Variants in MICAL3 observed in about 807,000 individuals in gnomAD.
MICAL3 encodes the protein microtubule associated monooxygenase, calponin and LIM domain containing 3, also known as [F-actin]-monooxygenase MICAL3.
A neutral mutation model predicts 207.4 loss-of-function variants in MICAL3; 62 were observed. That is an observed-to-expected ratio of 0.30 (90% CI 0.24 to 0.37). The LOEUF (loss-of-function observed/expected upper bound fraction) is 0.37. Ranked by LOEUF, MICAL3 falls within the 10% of genes least tolerant of loss-of-function variation. MICAL3 has a pLI of 1.00. For synonymous variants in MICAL3, 1,077 were observed against 1,069.3 expected (o/e 1.01, Z -0.14); for missense variants, 2,368 against 2,635.6 (o/e 0.90, Z 2.22).
At position 17,818,159 on chromosome 22, in the gene MICAL3, G is replaced by T; in HGVS notation, c.4502C>A (p.Pro1501His). Residue 1501 changes from proline to histidine, a missense_variant, in exon 26 of 32, where the codon CCT (proline) becomes CAT (histidine). Pro to His is a moderately conservative substitution (Grantham distance 77). Coordinates refer to ENST00000441493, the MANE Select transcript of MICAL3 (RefSeq NM_015241.3). Reference sequence around the variant, plus strand: ...CACCTCCTCTCTGGGGGGCTGAGCAGGCTCCCGGGGGGGCCGCATCCAGGT... The same window carrying T: ...CACCTCCTCTCTGGGGGGCTGAGCATGCTCCCGGGGGGGCCGCATCCAGGT... Reference protein sequence around the residue: ...PATWMRPPREPAQPPREEVRK... With the variant: ...PATWMRPPREHAQPPREEVRK... 1.3e-6 allele frequency: 2 copies of T among 1,599,664 alleles called. No homozygotes were observed.
intron 16 of MICAL3, among the ~76,000 whole-genome samples, chr22:17,877,557 AT>A: frequency 9.6e-6 from 1 of 103,696 alleles, no homozygotes; most frequent in African/African-American, 3.1e-5. Flanking sequence ...GAGGGAGGTT[AT>A]GGAGGTTAGG....
At chr22:17,913,694 T>C (rs544045311) in intron 1 of MICAL3, among the ~76,000 whole-genome samples, 1 of 152,278 alleles carries the variant, frequency 6.6e-6, no homozygotes, top group South Asian at 2.1e-4. Flanking sequence ...AACACTTATG[T>C]TGTATCTTTT....
At chr22:17,890,128 T>C (rs936653139) in intron 12 of MICAL3, among the ~76,000 whole-genome samples, 3 of 152,194 alleles carry the variant, frequency 2.0e-5, no homozygotes, top group African/African-American at 7.2e-5. Context: ...TTCAGAAGAC[T>C]GATCGCATTC....
At chr22:17,829,509 C>G (rs770991587) in intron 21 of MICAL3, among the ~76,000 whole-genome samples, 58 of 152,246 alleles carry the variant, frequency 3.8e-4, no homozygotes, top group Middle Eastern at 3.4e-3. Flanking sequence ...GGGACTAAGT[C>G]ACAGCAGAGT....
chr22:17,799,982 A>ACG (rs1555919264), intron 29 of MICAL3, among the ~76,000 whole-genome samples: 8 of 147,650 alleles, frequency 5.4e-5, no homozygotes, highest in African/African-American at 1.0e-4. Context: ...ACACACACAC[A>ACG]CGCGTTGGGA....
chr22:17,844,827 G>T (rs2146082731), intron 19 of MICAL3, among the ~76,000 whole-genome samples: 1 of 152,312 alleles, frequency 6.6e-6, no homozygotes, highest in African/African-American at 2.4e-5. Flanking sequence ...TGGACTAGAG[G>T]TAATGGCAGA....
At chr22:17,960,900 G>A (rs1458585019) in intron 1 of MICAL3, among the ~76,000 whole-genome samples, 29 of 152,220 alleles carry the variant, frequency 1.9e-4, no homozygotes, top group Non-Finnish European at 7.3e-5. Context: ...GAGCTCAGCA[G>A]GAGGTGCTGG....
chr22:17,914,605 C>T (rs774931044), intron 1 of MICAL3, among the ~76,000 whole-genome samples: 1 of 152,144 alleles, frequency 6.6e-6, no homozygotes, highest in Non-Finnish European at 1.5e-5. Flanking sequence ...AGGAAGATAG[C>T]TGCCCAGCTA....
chr22:18,001,955 T>A (rs542405874), intron 1 of MICAL3, among the ~76,000 whole-genome samples: 15 of 152,050 alleles, frequency 9.9e-5, no homozygotes, highest in African/African-American at 3.6e-4. Flanking sequence ...CCCAACACTT[T>A]GGGGAGCCGA....
chr22:17,939,409 G>A (rs548979749), intron 1 of MICAL3, among the ~76,000 whole-genome samples: 1 of 152,364 alleles, frequency 6.6e-6, no homozygotes, highest in African/African-American at 2.4e-5. Context: ...CTGAGGACCA[G>A]TGCCACAAAG....
At chr22:17,986,618 G>A (rs1250863613) in intron 1 of MICAL3, among the ~76,000 whole-genome samples, 1 of 152,082 alleles carries the variant, frequency 6.6e-6, no homozygotes, top group South Asian at 2.1e-4. Flanking sequence ...AAGTCACAGA[G>A]AATTTAGCTA....
chr22:17,900,963 G>A lies in MICAL3; in HGVS notation c.726C>T (p.Ala242=), dbSNP rs746694754. 7.4e-6 allele frequency: 12 copies of A among 1,613,848 alleles called. No homozygotes were observed. The Admixed American group carries it at 2.0e-4, about 27-fold the overall frequency. ...TGATAAAATTTGCCGTGATGGCGATGGCCAGTTTGCCACGGAATTCTTTCC... is the reference window on the plus strand; with the variant it reads ...TGATAAAATTTGCCGTGATGGCGATAGCCAGTTTGCCACGGAATTCTTTCC... The part of the protein sequence containing the change: ...FRRKEFRGKL[A]IAITANFINR... Residue 242 remains alanine, a synonymous_variant, in exon 6 of 32, where the codon GCC becomes GCT. Transcript: ENST00000441493. The surrounding 1 kb of genome is among the most constrained non-coding windows in gnomAD (Gnocchi z 4.0).
Position 17,992,182 on chromosome 22 carries a change from G to A in MICAL3, c.-75+32099C>T, listed in dbSNP as rs1007837515. ...AGAGCACCAGCTCCAAAGTGGTGAC[G>A]GGCCCAAGGGCAGCCTGCAGGCAAG... On this transcript the variant is annotated intron_variant, in intron 1 of 31. Coordinates refer to ENST00000441493, the MANE Select transcript of MICAL3 (RefSeq NM_015241.3). 6.2e-4 allele frequency among the ~76,000 whole-genome samples: 95 copies of A among 152,126 alleles called. 1 individual carries two copies. The highest frequency in any genetic ancestry group is 2.2e-3 in the African/African-American group (92 of 41,408).
At chr22:17,962,213 A>C (rs1934943040) in intron 1 of MICAL3, among the ~76,000 whole-genome samples, 2 of 152,138 alleles carry the variant, frequency 1.3e-5, no homozygotes, top group African/African-American at 4.8e-5. Context: ...CCTGGAACTC[A>C]AGGGGAAAAC....
At chr22:17,840,404 T>C (rs954126477) in intron 20 of MICAL3, 1 of 152,186 alleles carries the variant, frequency 6.6e-6, no homozygotes, top group Admixed American at 6.5e-5. Flanking sequence ...AATGCTAGTT[T>C]TAAAATCTTT....
At chr22:17,958,368 G>C (rs1410022699) in intron 1 of MICAL3, among the ~76,000 whole-genome samples, 1 of 152,202 alleles carries the variant, frequency 6.6e-6, no homozygotes, top group Non-Finnish European at 1.5e-5. Flanking sequence ...ACACACTGAT[G>C]ATGATGGCAG....
In MICAL3 at chr22:17,871,644, G is replaced by T. The variant is rs148463020; in HGVS notation, c.2428+193C>A. Among the ~76,000 whole-genome samples, 55 of 152,334 alleles carry T rather than the reference G, an allele frequency of 3.6e-4. No homozygotes were observed. In the South Asian group the frequency reaches 0.011, roughly 32 times the overall value. On this transcript the variant is annotated intron_variant, in intron 17 of 31. Coordinates refer to ENST00000441493, the MANE Select transcript of MICAL3 (RefSeq NM_015241.3). ...ATGCCATTCTCATCAGCCTGGTGAC[G>T]CTGGGAAATACTGATAAGTAAGAGT...
At chr22:17,856,558 G>C (rs2146114876) in intron 19 of MICAL3, among the ~76,000 whole-genome samples, 1 of 151,688 alleles carries the variant, frequency 6.6e-6, no homozygotes, top group Admixed American at 6.5e-5. Flanking sequence ...GAAGGCAGCA[G>C]CTGGTTCAGA....
intron 1 of MICAL3, among the ~76,000 whole-genome samples, chr22:17,921,134 T>C (rs180750683): frequency 3.9e-5 from 6 of 152,304 alleles, no homozygotes; most frequent in Non-Finnish European, 5.9e-5. Context: ...TACGGGGACA[T>C]AAGACAGAAC....
Sources: allele counts gnomAD v4.1 joint callset (sites outside exome capture counted in the v4.1 genomes callset), GRCh38; gene constraint gnomAD v4.1.1; non-coding constraint Gnocchi (gnomAD v3.1); transcripts MANE v1.5; gene names NCBI Gene and HGNC (gene_info 2026-07-23, HGNC 2026-07-21).